The following PSD2 variants were observed in gnomAD, a reference collection of about 807,000 sequenced individuals.
The protein encoded by PSD2 is pleckstrin and Sec7 domain containing 2, also known as PH and SEC7 domain-containing protein 2.
Under a neutral mutation model 69.8 loss-of-function variants are expected in PSD2, and 38 were observed. The ratio of observed to expected loss-of-function variants is 0.54; its 90% confidence interval spans 0.42 to 0.71. PSD2 has a LOEUF of 0.71. PSD2 is among the 30% of genes least tolerant of loss of function. The probability of loss-of-function intolerance (pLI) is 0.00; values close to 1 mark genes in which losing one functional copy is unlikely to be tolerated. For missense variants in PSD2, 943 were observed against 1,014.5 expected (o/e 0.93, Z 0.96); for synonymous variants, 412 against 423.0 (o/e 0.97, Z 0.32).
rs372206659 is a variant in PSD2 at position 139,822,200 on chromosome 5, G to A, written c.1210+195G>A. Among the ~76,000 whole-genome samples, 13 of 152,348 alleles carry A rather than the reference G, an allele frequency of 8.5e-5. No individual in the cohort carries two copies. In the East Asian group the frequency reaches 1.5e-3, roughly 18 times the overall value. On this transcript the variant is annotated intron_variant, in intron 6 of 14. Coordinates refer to ENST00000274710, the MANE Select transcript of PSD2 (RefSeq NM_032289.4). ...ACACGGTCTGCCTGCTGAGCAAGGC[G>A]CAGTCTTGCCTGTTCTCCTCCCCAC...
rs1387712923 is a variant in PSD2, at chr5:139,802,219, G to GAGA, written c.-51+6247_-51+6249dup. ...GAGGAAGGCCACAGTTGGGGAGGCA[G>GAGA]AGAAGGAGAGGAGTTGGGGGGCCTG... On this transcript the variant is annotated intron_variant, in intron 1 of 14. Transcript: ENST00000274710. Among the ~76,000 whole-genome samples, 8 of 152,098 alleles carry GAGA rather than the reference G, an allele frequency of 5.3e-5. No homozygotes were observed. In the South Asian group the frequency reaches 1.7e-3, roughly 32 times the overall value.
chr5:139,823,617 C>G (rs1191707469), intron 7 of PSD2, among the ~76,000 whole-genome samples: 2 of 152,152 alleles, frequency 1.3e-5, no homozygotes, highest in Non-Finnish European at 2.9e-5. Context: ...AAGCACTGGC[C>G]CTCTCTGGGC....
At chr5:139,816,659 T>C (rs576769463) in intron 4 of PSD2, among the ~76,000 whole-genome samples, 2 of 152,372 alleles carry the variant, frequency 1.3e-5, no homozygotes, top group East Asian at 1.9e-4. Context: ...GCCAGTCTTC[T>C]TGAAATACAG....
intron 6 of PSD2, 98 bp from the exon 7 acceptor site, chr5:139,822,628 C>T: frequency 9.1e-7 from 1 of 1,102,066 alleles, no homozygotes; most frequent in Non-Finnish European, 1.3e-6. Context: ...CGGCCGGCCT[C>T]CCTCTGTGTC....
rs761140242 is a variant in PSD2 at position 139,809,685 on chromosome 5, C to T, written c.245C>T (p.Ala82Val). Residue 82 changes from alanine to valine, a missense_variant, in exon 2 of 15, where the codon GCC becomes GTC. Ala to Val is a moderately conservative substitution (Grantham distance 64, BLOSUM62 0). Around this residue, in one of 3 missense-constraint regions of PSD2, gnomAD observed 466 missense variants for 445.0 expected, o/e 1.05. Coordinates refer to ENST00000274710, the MANE Select transcript of PSD2 (RefSeq NM_032289.4). ...SLGLSLTNGL[A>V]LGPDLNILED... Reference sequence around the variant, plus strand: ...GGCCTCTCTCTCACCAATGGCCTAGCCCTGGGGCCAGACTTGAACATTCTG... The same window carrying T: ...GGCCTCTCTCTCACCAATGGCCTAGTCCTGGGGCCAGACTTGAACATTCTG... 5.0e-6 allele frequency: 8 copies of T among 1,614,158 alleles called. No individual in the cohort carries two copies. The highest frequency in any genetic ancestry group is 6.8e-6 in the Non-Finnish European group (8 of 1,180,054).
intron 9 of PSD2, 57 bp downstream of exon 9, chr5:139,835,823 G>A: frequency 6.4e-7 from 1 of 1,559,970 alleles, no homozygotes; most frequent in South Asian, 1.1e-5. Context: ...GTGGGGGAGT[G>A]TGGGGGTGCA....
chr5:139,814,446 C>A lies in PSD2; in HGVS notation c.1016+82C>A. The A allele has an allele frequency of 7.7e-7, 1 of 1,296,954 alleles. No individual in the cohort carries two copies. The highest frequency in any genetic ancestry group is 1.0e-6 in the Non-Finnish European group (1 of 968,774). 80.3% of individuals were successfully genotyped at this position (1,296,954 alleles called of 1,614,324 possible). ...TGAAGAGGGTGTGGGTGACCTTCTT[C>A]AGGGGTGCCAGGTGCTGGGGGGGCA... On this transcript the variant is annotated intron_variant, in intron 4 of 14. Coordinates refer to ENST00000274710, the MANE Select transcript of PSD2 (RefSeq NM_032289.4). The surrounding 1 kb of genome is among the most constrained non-coding windows in gnomAD (Gnocchi z 4.4).
chr5:139,837,916 C>T lies in PSD2; in HGVS notation c.1823+134C>T. ...CATGACACAGACCGACAGCTGGGTCCCTCCAAAGCAGTGGTTCCCAATGTG... is the reference window on the plus strand; with the variant it reads ...CATGACACAGACCGACAGCTGGGTCTCTCCAAAGCAGTGGTTCCCAATGTG... On this transcript the variant is annotated intron_variant, in intron 12 of 14. Transcript: ENST00000274710. The surrounding 1 kb of genome is among the most constrained non-coding windows in gnomAD (Gnocchi z 5.0). 1.2e-6 allele frequency: 1 copy of T among 853,152 alleles called. No homozygotes were observed. The highest frequency in any genetic ancestry group is 1.8e-6 in the Non-Finnish European group (1 of 562,886). The allele number at this position is 853,152 out of a possible 1,614,324, so 52.8% of individuals were successfully genotyped here.
intron 1 of PSD2, among the ~76,000 whole-genome samples, chr5:139,799,026 G>T (rs552617270): frequency 1.3e-5 from 2 of 151,954 alleles, no homozygotes; most frequent in Admixed American, 6.6e-5. Context: ...CTCACATCCT[G>T]GATTTGTCTT....
rs758137511 is a variant in PSD2, at chr5:139,809,544, C to T, written c.104C>T (p.Ala35Val). Residue 35 changes from alanine (A) to valine (V), a missense_variant, in exon 2 of 15, where the codon GCC becomes GTC. Ala to Val is a moderately conservative substitution (Grantham distance 64, BLOSUM62 0). Coordinates refer to ENST00000274710, the MANE Select transcript of PSD2 (RefSeq NM_032289.4). ...GAGCCAGGGGTCCGGAATGGGATGG[C>T]CAGTGAGGGCCTGAACAGCAGCCTC... is the stretch of plus-strand genomic sequence containing the variant. Reference protein sequence around the residue: ...EEEPGVRNGMASEGLNSSLCS... With the variant: ...EEEPGVRNGMVSEGLNSSLCS... The T allele has an allele frequency of 2.3e-5, 37 of 1,613,540 alleles. No individual in the cohort carries two copies. The South Asian group carries it at 4.1e-4, about 18-fold the overall frequency.
chr5:139,837,573 G>A lies in PSD2; in HGVS notation c.1666-52G>A. On this transcript the variant is annotated intron_variant, in intron 11 of 14. Coordinates refer to ENST00000274710, the MANE Select transcript of PSD2 (RefSeq NM_032289.4). The surrounding 1 kb of genome is among the most constrained non-coding windows in gnomAD (Gnocchi z 5.0). ...GACAGAGAGCAGTGAGGGGAGGGGA[G>A]AGTGGAAGGTGTGGGTCAGTGACCC... 4 of 1,533,310 alleles carry A rather than the reference G, an allele frequency of 2.6e-6. No individual in the cohort carries two copies. The highest frequency in any genetic ancestry group is 3.8e-5 in the Admixed American group (2 of 53,254). 95.0% of individuals were successfully genotyped at this position (1,533,310 alleles called of 1,614,324 possible).
upstream of PSD2, among the ~76,000 whole-genome samples, chr5:139,793,423 G>A (rs1759454648): frequency 6.6e-6 from 1 of 152,220 alleles, no homozygotes. Flanking sequence ...TTCAGGAAAG[G>A]GTACAGCTGC....
chr5:139,814,578 G>A lies in PSD2; in HGVS notation c.1016+214G>A, dbSNP rs1031601595. On this transcript the variant is annotated intron_variant, in intron 4 of 14. Coordinates refer to ENST00000274710, the MANE Select transcript of PSD2 (RefSeq NM_032289.4). The surrounding 1 kb of genome is among the most constrained non-coding windows in gnomAD (Gnocchi z 4.4). ...CTGCTTGGGCGAAGCTGATGCTCTC[G>A]GGGAGGGGTGGTGGCGGGCAGCCCC... 1.3e-5 allele frequency among the ~76,000 whole-genome samples: 2 copies of A among 152,074 alleles called. No homozygotes were observed. The highest frequency in any genetic ancestry group is 4.8e-5 in the African/African-American group (2 of 41,388).
At chr5:139,817,023 T>C (rs1230117048) in intron 4 of PSD2, among the ~76,000 whole-genome samples, 1 of 152,224 alleles carries the variant, frequency 6.6e-6, no homozygotes, top group Non-Finnish European at 1.5e-5. Context: ...AGTCCCCCTG[T>C]GGGTCTCCAC....
chr5:139,770,844 T>G, the PSD2 span, among the ~76,000 whole-genome samples: 2 of 152,210 alleles, frequency 1.3e-5, no homozygotes, highest in African/African-American at 2.4e-5. Flanking sequence ...TCAGGTAAGA[T>G]GAAATACACA....
the PSD2 span, among the ~76,000 whole-genome samples, chr5:139,767,724 G>A: frequency 2.6e-4 from 40 of 152,232 alleles, no homozygotes; most frequent in Non-Finnish European, 5.4e-4. Flanking sequence ...TGATATTGGA[G>A]AGAATAATAA....
the PSD2 span, among the ~76,000 whole-genome samples, chr5:139,769,631 C>T: frequency 6.6e-6 from 1 of 152,332 alleles, no homozygotes; most frequent in Non-Finnish European, 1.5e-5. Flanking sequence ...CTTGCCCAGC[C>T]CTTCAGGGAC....
Position 139,837,209 on chromosome 5 carries a change from C to A in PSD2, c.1636C>A (p.Leu546Ile), listed in dbSNP as rs566297087. ...RRGWKKFYAV[L>I]KGTILYLQKD... The stretch of plus-strand genomic sequence containing the variant: ...TGGCTGGAAGAAATTCTACGCAGTG[C>A]TCAAAGGGACCATCCTGTACCTGCA... Residue 546 changes from leucine to isoleucine, a missense_variant, in exon 11 of 15, where the codon CTC becomes ATC. By Grantham distance (5) the Leu-to-Ile change is conservative. Around this residue, in one of 3 missense-constraint regions of PSD2, gnomAD observed 312 missense variants for 400.7 expected, o/e 0.78. Transcript: ENST00000274710. This position sits in a 1 kb window ranked among gnomAD's most constrained non-coding sequence, Gnocchi z 5.0. The A allele has an allele frequency of 3.7e-6, 6 of 1,614,042 alleles. No homozygotes were observed. The East Asian group carries it at 1.1e-4, about 30-fold the overall frequency.
chr5:139,754,398 C>T, the PSD2 span, among the ~76,000 whole-genome samples: 1 of 151,916 alleles, frequency 6.6e-6, no homozygotes, highest in African/African-American at 2.4e-5. Flanking sequence ...GAAACCCTAC[C>T]TCTAAAATTA....
Sources: gnomAD v4.1 joint callset for allele counts (sites outside exome capture counted in the v4.1 genomes callset) on GRCh38, gnomAD v4.1.1 for gene constraint, gnomAD v4.1.1 regional missense constraint, Gnocchi (gnomAD v3.1) non-coding constraint, MANE v1.5 for transcripts, NCBI Gene and HGNC (gene_info 2026-07-23, HGNC 2026-07-21) for gene names.